The following KDM4C variants were observed in gnomAD, a reference collection of about 807,000 sequenced individuals.
The protein encoded by KDM4C is lysine-specific demethylase 4C.
A neutral mutation model predicts 129.3 loss-of-function variants in KDM4C; 81 were observed. The observed-to-expected ratio is 0.63, with a 90% CI of 0.52 to 0.75. The LOEUF (loss-of-function observed/expected upper bound fraction) is 0.75, where lower values mean the gene tolerates loss of function less well. Among genes scored for constraint, KDM4C ranks in the 30% least tolerant of loss-of-function variants. The pLI is 0.00. For synonymous variants in KDM4C, 573 were observed against 456.1 expected, an observed-to-expected ratio of 1.26 and a Z score of -3.26; for missense variants, 1,457 against 1,304.0, an observed-to-expected ratio of 1.12 and a Z score of -1.81.
chr9:7,132,307 C>T (rs930751468), intron 19 of KDM4C, among the ~76,000 whole-genome samples: 1 of 152,148 alleles, frequency 6.6e-6, no homozygotes, highest in Non-Finnish European at 1.5e-5. Flanking sequence ...TTAATGCAGG[C>T]TGGCCTATCC....
intron 17 of KDM4C, among the ~76,000 whole-genome samples, chr9:7,080,036 GA>G (rs77549139): frequency 0.16 from 23,090 of 146,796 alleles, 2,166 homozygotes; most frequent in African/African-American, 0.26. Context: ...AATAAATACT[GA>G]AAAAAAAAAA....
chr9:6,854,342 A>G (rs1039634859), intron 5 of KDM4C, among the ~76,000 whole-genome samples: 2 of 152,032 alleles, frequency 1.3e-5, no homozygotes, highest in South Asian at 2.1e-4. Context: ...CAGCCTCAAC[A>G]TGAAGAAACC....
chr9:7,083,211 A>G (rs985759661), intron 17 of KDM4C, among the ~76,000 whole-genome samples: 3 of 152,116 alleles, frequency 2.0e-5, no homozygotes, highest in Non-Finnish European at 4.4e-5. Context: ...CAGATTTTGG[A>G]TTTTGTAATA....
Position 7,088,123 on chromosome 9 carries a change from A to C in KDM4C, c.2425-15562A>C, listed in dbSNP as rs143122287. Among the ~76,000 whole-genome samples, 435 of 152,252 alleles carry C rather than the reference A, an allele frequency of 2.9e-3. 3 individuals are homozygous for C. Among genetic ancestry groups the C allele is most frequent in the African/African-American group, 7.4e-3 (306 of 41,550 alleles). ...TCTGATTCCTCGTGATTTTGGTGCA[A>C]CCAATCCTGAGAGCAGTGTTTGGCT... On this transcript the variant is annotated intron_variant, in intron 17 of 21. Transcript: ENST00000381309.
chr9:6,772,472 C>T (rs561964099), intron 1 of KDM4C, among the ~76,000 whole-genome samples: 5 of 152,256 alleles, frequency 3.3e-5, no homozygotes, highest in African/African-American at 1.2e-4. Context: ...AGCGATTCTC[C>T]TGCCTCATCC....
At chr9:6,993,970 C>A (rs1160170511) in intron 12 of KDM4C, among the ~76,000 whole-genome samples, 1 of 138,492 alleles carries the variant, frequency 7.2e-6, no homozygotes, top group Non-Finnish European at 1.6e-5. Context: ...CATCATTCCC[C>A]TGCCTTTTTA....
rs140142288 is a variant in KDM4C, at chr9:7,174,585, G to A, written c.3027G>A (p.Thr1009=). 3.2e-4 allele frequency: 518 copies of A among 1,614,036 alleles called. No homozygotes were observed. Among genetic ancestry groups the A allele is most frequent in the Non-Finnish European group, 4.2e-4 (497 of 1,180,018 alleles). ...STASDMRFED[T]FYGADIIQGE... ...CCTCTGACATGCGATTTGAAGACAC[G>A]TTTTATGGAGCAGACATTATCCAAG... Residue 1009 remains threonine, a synonymous_variant, in exon 22 of 22, where the codon ACG becomes ACA. Coordinates refer to ENST00000381309, the MANE Select transcript of KDM4C (RefSeq NM_015061.6).
At chr9:6,896,399 A>T (rs751019660) in intron 8 of KDM4C, among the ~76,000 whole-genome samples, 6 of 152,010 alleles carry the variant, frequency 3.9e-5, no homozygotes, top group Non-Finnish European at 7.4e-5. Context: ...TACAGCATTA[A>T]ATAAGCAAAA....
In KDM4C at chr9:6,986,564, A is replaced by G. The variant is rs1280613637; in HGVS notation, c.1575A>G (p.Thr525=). The G allele has an allele frequency of 6.2e-7, 1 of 1,614,022 alleles. No individual in the cohort carries two copies. Among genetic ancestry groups the G allele is most frequent in the Non-Finnish European group, 8.5e-7 (1 of 1,180,024 alleles). Residue 525 remains threonine (T), a synonymous_variant, in exon 11 of 22, where the codon ACA becomes ACG. Transcript: ENST00000381309. The part of the protein sequence containing the change: ...SSVAESNGVL[T]EGEESDVESH... The stretch of plus-strand genomic sequence containing the variant: ...TGGCAGAGAGTAATGGTGTGTTAAC[A>G]GAGGGAGAAGAGAGTGATGTGGAGA...
chr9:6,921,991 A>G (rs865777907), intron 8 of KDM4C, among the ~76,000 whole-genome samples: 24 of 152,260 alleles, frequency 1.6e-4, no homozygotes, highest in African/African-American at 4.6e-4. Flanking sequence ...TCATTTCTCA[A>G]TTTGAATTGG....
At chr9:6,929,714 C>G (rs1041397036) in intron 8 of KDM4C, among the ~76,000 whole-genome samples, 1 of 151,912 alleles carries the variant, frequency 6.6e-6, no homozygotes, top group Non-Finnish European at 1.5e-5. Flanking sequence ...GGATTGCAAT[C>G]CGGGTGTATT....
At chr9:7,141,851 G>A (rs1212173124) in intron 19 of KDM4C, among the ~76,000 whole-genome samples, 1 of 151,510 alleles carries the variant, frequency 6.6e-6, no homozygotes. Flanking sequence ...TGAGTGAAAA[G>A]TCCCATGCCT....
intron 17 of KDM4C, among the ~76,000 whole-genome samples, chr9:7,094,396 A>G (rs2381546): frequency 0.2 from 30,196 of 152,078 alleles, 3,135 homozygotes; most frequent in South Asian, 0.34. Context: ...GTGCACAACA[A>G]TGAGAACACA....
intron 15 of KDM4C, among the ~76,000 whole-genome samples, chr9:7,036,325 C>G (rs7858552): frequency 1.3e-5 from 2 of 151,930 alleles, no homozygotes; most frequent in Non-Finnish European, 2.9e-5. Context: ...TGTTGTATAA[C>G]GTTAACAAAG....
At chr9:7,037,452 A>G (rs550574314) in intron 15 of KDM4C, among the ~76,000 whole-genome samples, 14 of 152,298 alleles carry the variant, frequency 9.2e-5, no homozygotes, top group African/African-American at 1.9e-4. Context: ...TGCTGTTCTC[A>G]CCACTGTCAA....
chr9:6,846,030 A>G (rs960861952), intron 4 of KDM4C, among the ~76,000 whole-genome samples: 1 of 152,200 alleles, frequency 6.6e-6, no homozygotes, highest in African/African-American at 2.4e-5. Flanking sequence ...TCTCAAGTGA[A>G]GCAGTCTGCA....
Position 6,998,858 on chromosome 9 carries a change from A to G in KDM4C, c.1786+8334A>G, listed in dbSNP as rs561025998. Among the ~76,000 whole-genome samples, 9 of 152,292 alleles carry G rather than the reference A, an allele frequency of 5.9e-5. No individual in the cohort carries two copies. In the East Asian group the frequency reaches 1.5e-3, roughly 26 times the overall value. ...CAACAACAAAAAATTGTTTATAACA[A>G]TTGAATACTAAAGTGGTCCTATGTG... is the stretch of plus-strand genomic sequence containing the variant. On this transcript the variant is annotated intron_variant, in intron 12 of 21. Transcript: ENST00000381309.
chr9:6,949,624 C>T (rs12345802), intron 8 of KDM4C, among the ~76,000 whole-genome samples: 10,767 of 152,212 alleles, frequency 0.071, 1,118 homozygotes, highest in African/African-American at 0.23. Context: ...AGATCACTCG[C>T]GGTTAGGAGC....
intron 17 of KDM4C, among the ~76,000 whole-genome samples, chr9:7,062,630 T>C (rs1416909701): frequency 3.9e-5 from 6 of 152,022 alleles, no homozygotes; most frequent in Non-Finnish European, 8.8e-5. Flanking sequence ...GTGATCCTCC[T>C]ACCTTAGCCT....
Sources: gnomAD v4.1 joint callset for allele counts (sites outside exome capture counted in the v4.1 genomes callset) on GRCh38, gnomAD v4.1.1 for gene constraint, MANE v1.5 for transcripts, NCBI Gene and HGNC (gene_info 2026-07-23, HGNC 2026-07-21) for gene names.